The following GRM8 variants were observed in gnomAD, a reference collection of about 807,000 sequenced individuals.
GRM8 encodes glutamate metabotropic receptor 8.
In GRM8, 47 loss-of-function variants were observed where a neutral mutation model predicts 87.2. The observed-to-expected ratio is 0.54, with a 90% CI of 0.43 to 0.69. The LOEUF (loss-of-function observed/expected upper bound fraction) is 0.69. Among genes scored for constraint, GRM8 ranks in the 30% least tolerant of loss-of-function variants. The pLI is 0.00. For missense variants in GRM8, 1,019 were observed against 1,139.2 expected, an observed-to-expected ratio of 0.89 and a Z score of 1.52; for synonymous variants, 396 against 404.5, an observed-to-expected ratio of 0.98 and a Z score of 0.25.
chr7:127,180,408 C>A (rs1331807314), intron 2 of GRM8, among the ~76,000 whole-genome samples: 2 of 152,056 alleles, frequency 1.3e-5, no homozygotes, highest in Non-Finnish European at 2.9e-5. Context: ...CAGCAGAATT[C>A]TACCAGACAT....
chr7:126,963,729 G>A (rs1809547838), intron 3 of GRM8, among the ~76,000 whole-genome samples: 1 of 152,160 alleles, frequency 6.6e-6, no homozygotes, highest in Non-Finnish European at 1.5e-5. Flanking sequence ...TCATGAAAAT[G>A]GCCATACTGC....
chr7:126,712,833 T>A (rs1044568012), intron 7 of GRM8, among the ~76,000 whole-genome samples: 3 of 151,848 alleles, frequency 2.0e-5, no homozygotes, highest in Non-Finnish European at 4.4e-5. Context: ...CTAAGAAACA[T>A]GTGGGAAAAA....
intron 6 of GRM8, among the ~76,000 whole-genome samples, chr7:126,877,033 C>T (rs1413701870): frequency 1.3e-5 from 2 of 151,924 alleles, no homozygotes; most frequent in Non-Finnish European, 2.9e-5. Context: ...TCAGGGCAAA[C>T]TTTTTTTCTC....
intron 3 of GRM8, among the ~76,000 whole-genome samples, chr7:127,043,872 A>G (rs923035053): frequency 6.6e-6 from 1 of 152,206 alleles, no homozygotes; most frequent in East Asian, 1.9e-4. Context: ...TGGACTTCTG[A>G]AAGAACAATG....
chr7:126,907,769 C>G (rs1387590890), intron 3 of GRM8, among the ~76,000 whole-genome samples: 1 of 152,154 alleles, frequency 6.6e-6, no homozygotes, highest in Non-Finnish European at 1.5e-5. Context: ...ATACAGAGGG[C>G]AGCCTGAAGT....
At chr7:127,082,068 A>G (rs1251109272) in intron 3 of GRM8, 1 of 152,264 alleles carries the variant, frequency 6.6e-6, no homozygotes, top group Non-Finnish European at 1.5e-5. Flanking sequence ...GTCAGTGGGT[A>G]CACACTGAGC....
chr7:126,917,400 T>TGGACACGCACACACAC (rs1804025537), intron 3 of GRM8, among the ~76,000 whole-genome samples: 1 of 147,418 alleles, frequency 6.8e-6, no homozygotes, highest in Non-Finnish European at 1.5e-5. Context: ...CACACACACA[T>TGGACACGCACACACAC]GGACACGCAC....
At chr7:127,025,997 C>T (rs375856177) in intron 3 of GRM8, among the ~76,000 whole-genome samples, 6 of 152,046 alleles carry the variant, frequency 3.9e-5, no homozygotes, top group Non-Finnish European at 7.4e-5. Context: ...GTTATCCCTC[C>T]CCCAGCCCCC....
At position 127,243,487 on chromosome 7, in the gene GRM8, T is replaced by C; in HGVS notation, c.-283A>G. 1 of 405,112 alleles carries C rather than the reference T, an allele frequency of 2.5e-6. No homozygotes were observed. Among genetic ancestry groups the C allele is most frequent in the Non-Finnish European group, 4.4e-6 (1 of 228,136 alleles). 25.1% of individuals were successfully genotyped at this position (405,112 alleles called of 1,614,324 possible). ...GGGATGAGGTCAACAATTCATGTCC[T>C]TGAAATCAGCCTTGTAGCAGAATTA... On this transcript the variant is annotated 5_prime_UTR_variant, in exon 2 of 11. Coordinates refer to ENST00000339582, the MANE Select transcript of GRM8 (RefSeq NM_000845.3).
chr7:126,638,040 T>C (rs1403366927), intron 7 of GRM8, among the ~76,000 whole-genome samples: 1 of 152,166 alleles, frequency 6.6e-6, no homozygotes, highest in Non-Finnish European at 1.5e-5. Context: ...ATGATGAAGG[T>C]ATATTTCGAA....
chr7:127,010,908 G>A (rs991655093), intron 3 of GRM8, among the ~76,000 whole-genome samples: 2 of 152,104 alleles, frequency 1.3e-5, no homozygotes, highest in Non-Finnish European at 2.9e-5. Context: ...AAGAGGAGCA[G>A]AAGGAGGAAG....
At chr7:127,093,910 C>A (rs1043579149) in intron 3 of GRM8, among the ~76,000 whole-genome samples, 1 of 152,192 alleles carries the variant, frequency 6.6e-6, no homozygotes, top group Non-Finnish European at 1.5e-5. Flanking sequence ...ACGGACGTAA[C>A]CCCTGAAATA....
intron 2 of GRM8, among the ~76,000 whole-genome samples, chr7:127,188,713 TAGCA>T (rs752057564): frequency 6.6e-5 from 10 of 152,324 alleles, no homozygotes; most frequent in Admixed American, 4.6e-4. Flanking sequence ...GCTTATCAAA[TAGCA>T]AGCAAAGCTT....
chr7:127,119,898 A>G (rs1318177568), intron 2 of GRM8, among the ~76,000 whole-genome samples: 1 of 152,162 alleles, frequency 6.6e-6, no homozygotes, highest in Non-Finnish European at 1.5e-5. Flanking sequence ...GATGTGGCCT[A>G]GACTCTTTTG....
intron 6 of GRM8, among the ~76,000 whole-genome samples, chr7:126,776,192 G>C (rs1269062104): frequency 1.3e-5 from 2 of 152,132 alleles, no homozygotes. Context: ...ATTGAAGCAA[G>C]CATAGGTTGA....
At chr7:126,923,792 T>C (rs1192952903) in intron 3 of GRM8, among the ~76,000 whole-genome samples, 1 of 152,156 alleles carries the variant, frequency 6.6e-6, no homozygotes, top group Non-Finnish European at 1.5e-5. Context: ...TCAGTGGCTG[T>C]CTTCCAACCC....
At chr7:126,692,151 T>C (rs1471102668) in intron 7 of GRM8, among the ~76,000 whole-genome samples, 1 of 152,198 alleles carries the variant, frequency 6.6e-6, no homozygotes, top group Non-Finnish European at 1.5e-5. Context: ...ATTAAGCTTT[T>C]CCTATAATAA....
At chr7:126,979,235 C>T (rs2131842302) in intron 3 of GRM8, among the ~76,000 whole-genome samples, 1 of 152,122 alleles carries the variant, frequency 6.6e-6, no homozygotes, top group East Asian at 1.9e-4. Context: ...TCCTTCTCTC[C>T]CGGCCAAGCT....
intron 3 of GRM8, among the ~76,000 whole-genome samples, chr7:126,953,569 A>G (rs1451720612): frequency 6.6e-6 from 1 of 152,122 alleles, no homozygotes; most frequent in Non-Finnish European, 1.5e-5. Context: ...GCTTTCACTT[A>G]TCAAGAAAAG....
Sources: allele counts gnomAD v4.1 joint callset (sites outside exome capture counted in the v4.1 genomes callset), GRCh38; gene constraint gnomAD v4.1.1; transcripts MANE v1.5; gene names NCBI Gene and HGNC (gene_info 2026-07-23, HGNC 2026-07-21).